Variants in ME1 observed in about 807,000 individuals in gnomAD.
ME1 encodes NADP-dependent malic enzyme.
ME1 carries 74 observed loss-of-function variants against 66.4 expected under a neutral mutation model. That is an observed-to-expected ratio of 1.11 (90% CI 0.92 to 1.35). ME1 has a LOEUF of 1.35. Ranked by LOEUF, ME1 falls within the 40% of genes most tolerant of loss-of-function variation. The pLI is 0.00. For missense variants in ME1, 750 were observed against 694.1 expected, an observed-to-expected ratio of 1.08 and a Z score of -0.90; for synonymous variants, 251 against 235.6, an observed-to-expected ratio of 1.07 and a Z score of -0.60.
intron 5 of ME1, among the ~76,000 whole-genome samples, chr6:83,320,758 C>T (rs901011413): frequency 8.5e-5 from 13 of 152,156 alleles, no homozygotes; most frequent in African/African-American, 3.1e-4. Flanking sequence ...TTAAAGTATA[C>T]ACCATAAAGA....
At chr6:83,319,238 G>T (rs2128540002) in intron 5 of ME1, among the ~76,000 whole-genome samples, 1 of 151,280 alleles carries the variant, frequency 6.6e-6, no homozygotes, top group East Asian at 1.9e-4. Flanking sequence ...CACCAGCATG[G>T]CACATGTATA....
At chr6:83,398,314 C>T in intron 3 of ME1, 53 bp downstream of exon 3, 1 of 1,295,188 alleles carries the variant, frequency 7.7e-7, no homozygotes, top group Non-Finnish European at 1.1e-6. Flanking sequence ...CGTTAAAAAA[C>T]TTACAAAAAT....
intron 1 of ME1, among the ~76,000 whole-genome samples, chr6:83,426,774 T>C (rs532864263): frequency 4.9e-4 from 74 of 152,310 alleles, no homozygotes; most frequent in African/African-American, 1.7e-3. Flanking sequence ...ACATGACTTA[T>C]ACTGAACCAA....
intron 7 of ME1, among the ~76,000 whole-genome samples, chr6:83,242,073 G>A (rs1029443178): frequency 1.3e-5 from 2 of 152,268 alleles, no homozygotes; most frequent in African/African-American, 4.8e-5. Context: ...ATGTTGGCCA[G>A]ACTGGTCTCA....
At chr6:83,251,462 C>A (rs1183761283) in intron 7 of ME1, among the ~76,000 whole-genome samples, 1 of 151,438 alleles carries the variant, frequency 6.6e-6, no homozygotes, top group African/African-American at 2.4e-5. Flanking sequence ...CCACTGCACT[C>A]CAGCCCGGGC....
intron 6 of ME1, among the ~76,000 whole-genome samples, chr6:83,287,035 T>C (rs1767409029): frequency 6.6e-6 from 1 of 152,226 alleles, no homozygotes; most frequent in Non-Finnish European, 1.5e-5. Flanking sequence ...AACAGGTTAG[T>C]ATATAACACT....
intron 6 of ME1, among the ~76,000 whole-genome samples, 200 bp downstream of exon 6, chr6:83,315,110 C>A (rs1158467040): frequency 6.6e-6 from 1 of 152,038 alleles, no homozygotes; most frequent in Non-Finnish European, 1.5e-5. Flanking sequence ...TCAGGGACAG[C>A]AACAGAAATA....
At chr6:83,387,438 A>C (rs1251363886) in intron 3 of ME1, among the ~76,000 whole-genome samples, 1 of 152,040 alleles carries the variant, frequency 6.6e-6, no homozygotes, top group East Asian at 1.9e-4. Context: ...TAAAACTGAC[A>C]CCCTCATCAT....
rs143076120 is a variant in ME1, at chr6:83,331,221, G to A, written c.600+14952C>T. The stretch of plus-strand genomic sequence containing the variant: ...TCAGAATGTGACGTATTTGGAGACA[G>A]AGTATTTAAAGAAGTAATTAAGTTG... On this transcript the variant is annotated intron_variant, in intron 5 of 13. Coordinates refer to ENST00000369705, the MANE Select transcript of ME1 (RefSeq NM_002395.6). 4.6e-3 allele frequency among the ~76,000 whole-genome samples: 694 copies of A among 152,270 alleles called. 2 individuals carry two copies. The highest frequency in any genetic ancestry group is 0.015 in the African/African-American group (636 of 41,556).
chr6:83,361,300 T>C (rs1004212423), intron 3 of ME1, among the ~76,000 whole-genome samples: 1 of 152,208 alleles, frequency 6.6e-6, no homozygotes, highest in African/African-American at 2.4e-5. Flanking sequence ...AAAGGATAAG[T>C]TGCTGCATTT....
At chr6:83,301,085 T>C (rs530561165) in intron 6 of ME1, among the ~76,000 whole-genome samples, 1 of 152,146 alleles carries the variant, frequency 6.6e-6, no homozygotes, top group South Asian at 2.1e-4. Flanking sequence ...TTAGGAGATA[T>C]ACCTAATGTA....
intron 6 of ME1, among the ~76,000 whole-genome samples, chr6:83,256,742 G>A (rs1044085381): frequency 2.0e-5 from 3 of 151,820 alleles, no homozygotes; most frequent in Non-Finnish European, 2.9e-5. Flanking sequence ...ACACGCACAT[G>A]TATGTTTATT....
intron 3 of ME1, among the ~76,000 whole-genome samples, chr6:83,389,919 G>A (rs915542506): frequency 5.9e-5 from 9 of 151,992 alleles, no homozygotes; most frequent in South Asian, 2.1e-4. Context: ...TTCGGCACAT[G>A]GGAATAAGAC....
chr6:83,357,949 A>C lies in ME1; in HGVS notation c.363-5810T>G, dbSNP rs1163745312. Among the ~76,000 whole-genome samples the C allele has an allele frequency of 8.0e-3, 718 of 90,256 alleles. 7 individuals are homozygous for C. Among genetic ancestry groups the C allele is most frequent in the Middle Eastern group, 0.024 (3 of 124 alleles). 59.2% of individuals were successfully genotyped at this position (90,256 alleles called of 152,430 possible). A position where few individuals can be genotyped will look rare whatever the true frequency, so the allele number is the denominator to read the frequency against. ...TCTCTCTCTCTCTATATATATATAT[A>C]TATATATATATATATATATATATAT... On this transcript the variant is annotated intron_variant, in intron 3 of 13. Coordinates refer to ENST00000369705, the MANE Select transcript of ME1 (RefSeq NM_002395.6).
chr6:83,384,299 A>T (rs763377872), intron 3 of ME1, among the ~76,000 whole-genome samples: 6 of 151,006 alleles, frequency 4.0e-5, no homozygotes, highest in Admixed American at 2.6e-4. Context: ...GCAGTGTACG[A>T]GCATTTCTTT....
chr6:83,380,605 T>C (rs2128548479), intron 3 of ME1, among the ~76,000 whole-genome samples: 1 of 152,214 alleles, frequency 6.6e-6, no homozygotes, highest in Admixed American at 6.6e-5. Flanking sequence ...AAATCCTGAT[T>C]ATCTCTGAGG....
chr6:83,232,503 T>C (rs1790324909), intron 9 of ME1, among the ~76,000 whole-genome samples: 1 of 152,222 alleles, frequency 6.6e-6, no homozygotes, highest in South Asian at 2.1e-4. Context: ...TTCATAATTT[T>C]CTAAGACTCA....
intron 7 of ME1, among the ~76,000 whole-genome samples, chr6:83,245,896 T>TATAAATATAGGATCTACAC (rs1237043166): frequency 3.6e-5 from 5 of 138,134 alleles, no homozygotes; most frequent in African/African-American, 1.4e-4. Flanking sequence ...AGGATCTACA[T>TATAAATATAGGATCTACAC]ATAAATATAG....
At chr6:83,355,734 G>A (rs947900501) in intron 3 of ME1, among the ~76,000 whole-genome samples, 14 of 151,530 alleles carry the variant, frequency 9.2e-5, no homozygotes, top group African/African-American at 3.4e-4. Context: ...CATACTTTCT[G>A]GTACACAGTT....
Sources: gnomAD v4.1 joint callset for allele counts (sites outside exome capture counted in the v4.1 genomes callset) on GRCh38, gnomAD v4.1.1 for gene constraint, MANE v1.5 for transcripts, NCBI Gene and HGNC (gene_info 2026-07-23, HGNC 2026-07-21) for gene names.